R3HCC1: variants seen among roughly 807,000 people sequenced by gnomAD.
R3HCC1 encodes R3H domain and coiled-coil containing 1.
A neutral mutation model predicts 40.0 loss-of-function variants in R3HCC1; 32 were observed. The observed-to-expected ratio is 0.80, with a 90% CI of 0.60 to 1.07. The LOEUF is 1.07. Ranked by LOEUF, R3HCC1 falls within the 50% of genes least tolerant of loss-of-function variation. The pLI is 0.00. For synonymous variants in R3HCC1, 237 were observed against 232.8 expected (o/e 1.02, Z -0.17); for missense variants, 586 against 563.3 (o/e 1.04, Z -0.41).
chr8:23,292,327 GGGCACGGT>G (rs1802885476), intron 5 of R3HCC1, among the ~76,000 whole-genome samples: 1 of 152,102 alleles, frequency 6.6e-6, no homozygotes, highest in Admixed American at 6.5e-5. Flanking sequence ...TTCTGTGGCT[GGGCACGGT>G]GGCTCACGCC....
Position 23,293,470 on chromosome 8 carries a change from G to C in R3HCC1, c.1096+97G>C, listed in dbSNP as rs951370697. ...TAGAGGCCACCATCTCCTGGGCGCA[G>C]GCTCAGCTGAGCCAGTAGGCTCTGG... On this transcript the variant is annotated intron_variant, in intron 6 of 7. Coordinates refer to ENST00000265806, the MANE Select transcript of R3HCC1 (RefSeq NM_001136108.3). The C allele has an allele frequency of 9.2e-6, 9 of 974,656 alleles. No individual in the cohort carries two copies. The East Asian group carries it at 1.1e-4, about 12-fold the overall frequency. The allele number at this position is 974,656 out of a possible 1,614,324, so 60.4% of individuals were successfully genotyped here.
chr8:23,294,327 A>C (rs983372734), intron 6 of R3HCC1, among the ~76,000 whole-genome samples: 1 of 152,164 alleles, frequency 6.6e-6, no homozygotes, highest in Admixed American at 6.5e-5. Flanking sequence ...CTTGGACCTG[A>C]AGCCTCTCCC....
At chr8:23,294,189 A>G (rs1366117390) in intron 6 of R3HCC1, among the ~76,000 whole-genome samples, 1 of 152,156 alleles carries the variant, frequency 6.6e-6, no homozygotes, top group Non-Finnish European at 1.5e-5. Context: ...AGGGAGGCCA[A>G]GAGGCTGCCC....
Position 23,295,981 on chromosome 8 carries a change from G to T in R3HCC1, c.1207G>T (p.Val403Leu). 1 of 1,550,620 alleles carries T rather than the reference G, an allele frequency of 6.4e-7. No individual in the cohort carries two copies. The highest frequency in any genetic ancestry group is 8.7e-7 in the Non-Finnish European group (1 of 1,146,744). Residue 403 changes from valine (V) to leucine (L), a missense_variant, in exon 8 of 8, where the codon GTG becomes TTG. Coordinates refer to ENST00000265806, the MANE Select transcript of R3HCC1 (RefSeq NM_001136108.3). ...TTTCCTTCTAGAACTCCTGCGTCTG[G>T]TGAAGGAGAGGCCACAGACAAATGC...
chr8:23,289,803 T>C, intron 3 of R3HCC1, 63 bp from the exon 4 acceptor site: 4 of 1,439,620 alleles, frequency 2.8e-6, no homozygotes, highest in Non-Finnish European at 3.6e-6. Context: ...CAAGTGGCTC[T>C]AGTAAATCAT....
At chr8:23,295,498 C>T (rs1395603781) in intron 7 of R3HCC1, 1 of 458,246 alleles carries the variant, frequency 2.2e-6, no homozygotes, top group East Asian at 6.9e-5. Flanking sequence ...TTTTCCATGA[C>T]TTCAAAGTAG....
rs1278948144 is a variant in R3HCC1, at chr8:23,290,156, C to T, written c.539C>T (p.Ser180Phe). Residue 180 changes from serine to phenylalanine, a missense_variant, in exon 4 of 8, where the codon TCT becomes TTT. Ser to Phe is a radical substitution (Grantham distance 155). Coordinates refer to ENST00000265806, the MANE Select transcript of R3HCC1 (RefSeq NM_001136108.3). ...GATGTTGGTGCTGGAGACCCCAACT[C>T]TGATCAGGGACTCCCTGTGCTGATG... 1.3e-6 allele frequency: 2 copies of T among 1,551,688 alleles called. No individual in the cohort carries two copies. Among genetic ancestry groups the T allele is most frequent in the Non-Finnish European group, 1.7e-6 (2 of 1,147,004 alleles).
Position 23,290,478 on chromosome 8 carries a change from G to C in R3HCC1, c.852+9G>C, listed in dbSNP as rs1585332662. The C allele has an allele frequency of 1.9e-6, 3 of 1,543,578 alleles. No individual in the cohort carries two copies. The highest frequency in any genetic ancestry group is 1.7e-6 in the Non-Finnish European group (2 of 1,142,862). On this transcript the variant is annotated intron_variant, in intron 4 of 7. Transcript: ENST00000265806. ...GTGAGCTGCTGCAGGAGGTGATGAGGCTCTTGAGCCCGAAAAGGGAGGGCG... is the reference window on the plus strand; with the variant it reads ...GTGAGCTGCTGCAGGAGGTGATGAGCCTCTTGAGCCCGAAAAGGGAGGGCG...
At chr8:23,290,880 C>T in intron 4 of R3HCC1, 1 of 227,518 alleles carries the variant, frequency 4.4e-6, no homozygotes, top group South Asian at 8.2e-5. Context: ...CGTGCGACTG[C>T]CCCTGAGACT....
Position 23,288,587 on chromosome 8 carries a change from A to C in R3HCC1, c.64A>C (p.Ile22Leu), listed in dbSNP as rs1046094405. Residue 22 changes from isoleucine to leucine, a missense_variant, in exon 2 of 8, where the codon ATC (isoleucine) becomes CTC (leucine). Transcript: ENST00000265806. The stretch of plus-strand genomic sequence containing the variant: ...AGCCGAGAATGACTTCGTCCACCGG[A>C]TCCAGGAGGAACTGGACCGCTTTCT... The C allele has an allele frequency of 1.3e-6, 2 of 1,535,804 alleles. No individual in the cohort carries two copies. The highest frequency in any genetic ancestry group is 2.7e-5 in the African/African-American group (2 of 72,936).
At position 23,296,093 on chromosome 8, in the gene R3HCC1, CCT is replaced by C. The variant is rs1345728554; in HGVS notation, c.1320_1321del (p.Ter441ArgfsTer44). On this transcript the variant is annotated frameshift_variant and stop_lost, in exon 8 of 8. Transcript: ENST00000265806. LOFTEE classifies it high-confidence loss of function. Reference sequence around the variant, plus strand: ...CCTGCTGTCCGGGGTCCGCTGCCGCCCTGAGGCCTGGAGACCCAACTGGCCTG... The same window carrying C: ...CCTGCTGTCCGGGGTCCGCTGCCGCCGAGGCCTGGAGACCCAACTGGCCTG... 5 of 1,549,288 alleles carry C rather than the reference CCT, an allele frequency of 3.2e-6. No individual in the cohort carries two copies. Among genetic ancestry groups the C allele is most frequent in the Non-Finnish European group, 2.6e-6 (3 of 1,146,474 alleles).
rs1308219055 is a variant in R3HCC1, at chr8:23,288,541, G to C, written c.18G>C (p.Leu6Phe). The change falls in exon 2 of 8, where the codon TTG becomes TTC. Residue 6 changes from leucine (L) to phenylalanine (F), a missense_variant. By Grantham distance (22) the Leu-to-Phe change is conservative (BLOSUM62 0). Coordinates refer to ENST00000265806, the MANE Select transcript of R3HCC1 (RefSeq NM_001136108.3). ...CTGTCACCCTGGCCCTTCTCTGCTT[G>C]GATGGTGTCTTCCTCTCCTCAGCCG... is the stretch of plus-strand genomic sequence containing the variant. 4 of 1,535,906 alleles carry C rather than the reference G, an allele frequency of 2.6e-6. No individual in the cohort carries two copies. The Admixed American group carries it at 7.8e-5, about 30-fold the overall frequency.
intron 7 of R3HCC1, chr8:23,295,532 G>A (rs1389789830): frequency 4.3e-6 from 2 of 461,588 alleles, no homozygotes; most frequent in African/African-American, 4.0e-5. Flanking sequence ...GGACCTGCAA[G>A]AGGCCTGCCG....
intron 6 of R3HCC1, 29 bp from the exon 7 acceptor site, chr8:23,294,740 G>T (rs1272280244): frequency 6.5e-7 from 1 of 1,528,160 alleles, no homozygotes; most frequent in East Asian, 2.5e-5. Context: ...GGAGGAGGGA[G>T]TGGCTCCACG....
rs1802863255 is a variant in R3HCC1, at chr8:23,291,396, A to G, written c.888A>G (p.Ile296Met). The G allele has an allele frequency of 6.4e-7, 1 of 1,551,824 alleles. No homozygotes were observed. Among genetic ancestry groups the G allele is most frequent in the South Asian group, 1.2e-5 (1 of 84,064 alleles). The change falls in exon 5 of 8, where the codon ATA (isoleucine) becomes ATG (methionine). Residue 296 changes from isoleucine to methionine, a missense_variant. Transcript: ENST00000265806. ...ACCTGACGAAGAAGGAGATTCAGAT[A>G]GAGAAGATCCATTTGGACACATCCT...
At position 23,296,032 on chromosome 8, in the gene R3HCC1, C is replaced by T. The variant is rs772499356; in HGVS notation, c.1258C>T (p.Arg420Trp). 5.1e-5 allele frequency: 79 copies of T among 1,550,738 alleles called. No homozygotes were observed. The South Asian group carries it at 5.8e-4, about 11-fold the overall frequency. The stretch of plus-strand genomic sequence containing the variant: ...GACTGTGGCCCGGCGGCTGGTGGCC[C>T]GGGCCCTGGGACTCCAACACAAAAA... The change falls in exon 8 of 8, where the codon CGG (arginine) becomes TGG (tryptophan). Residue 420 changes from arginine to tryptophan, a missense_variant. By Grantham distance (101) the Arg-to-Trp change is moderately radical. Transcript: ENST00000265806.
chr8:23,295,677 A>G, intron 7 of R3HCC1: 1 of 507,414 alleles, frequency 2.0e-6, no homozygotes, highest in Non-Finnish European at 3.6e-6. Context: ...AAAGGACCCT[A>G]AAAAGCAGGG....
At chr8:23,295,364 G>T (rs1318269782) in intron 7 of R3HCC1, 6 of 421,652 alleles carry the variant, frequency 1.4e-5, no homozygotes, top group African/African-American at 1.0e-4. Flanking sequence ...CTGAAGGATT[G>T]AATGAGAGCC....
intron 6 of R3HCC1, 25 bp from the exon 7 acceptor site, chr8:23,294,744 C>T: frequency 6.5e-7 from 1 of 1,537,536 alleles, no homozygotes; most frequent in Non-Finnish European, 8.8e-7. Flanking sequence ...GAGGGAGTGG[C>T]TCCACGCCTG....
Sources: allele counts gnomAD v4.1 joint callset (sites outside exome capture counted in the v4.1 genomes callset), GRCh38; gene constraint gnomAD v4.1.1; transcripts MANE v1.5; gene names NCBI Gene and HGNC (gene_info 2026-07-23, HGNC 2026-07-21).